Variants in ICA1 observed in about 807,000 individuals in gnomAD.
ICA1 encodes the protein 69 kDa islet cell autoantigen.
In ICA1, 40 loss-of-function variants were observed where a neutral mutation model predicts 71.0. That is an observed-to-expected ratio of 0.56 (90% CI 0.44 to 0.73). The LOEUF (loss-of-function observed/expected upper bound fraction) is 0.73. Ranked by LOEUF, ICA1 falls within the 30% of genes least tolerant of loss-of-function variation. The pLI is 0.00. For missense variants in ICA1, 578 were observed against 576.5 expected (o/e 1.00, Z -0.03); for synonymous variants, 207 against 209.5 (o/e 0.99, Z 0.10).
intron 6 of ICA1, among the ~76,000 whole-genome samples, chr7:8,171,102 G>T (rs185119961): frequency 6.6e-6 from 1 of 151,900 alleles, no homozygotes; most frequent in East Asian, 1.9e-4. Context: ...CTTGTAGTTT[G>T]CTTTTCTTAT....
intron 1 of ICA1, among the ~76,000 whole-genome samples, chr7:8,237,391 CTT>C (rs770648503): frequency 3.9e-5 from 6 of 152,142 alleles, no homozygotes; most frequent in Non-Finnish European, 8.8e-5. Flanking sequence ...ATATTCTTCT[CTT>C]GAGTTCAATG....
chr7:8,194,265 G>A (rs1228541566), intron 6 of ICA1, among the ~76,000 whole-genome samples: 1 of 152,104 alleles, frequency 6.6e-6, no homozygotes, highest in Non-Finnish European at 1.5e-5. Context: ...GAATCTTTGG[G>A]GCGGTGGGGT....
chr7:8,135,243 T>C (rs1201803449), intron 12 of ICA1, among the ~76,000 whole-genome samples: 1 of 152,112 alleles, frequency 6.6e-6, no homozygotes, highest in Non-Finnish European at 1.5e-5. Context: ...GCAAGGCTGG[T>C]CTCGAACTCT....
chr7:8,149,642 T>C (rs1042102584), intron 8 of ICA1, among the ~76,000 whole-genome samples: 2 of 152,248 alleles, frequency 1.3e-5, no homozygotes, highest in Non-Finnish European at 2.9e-5. Flanking sequence ...CAGCCAGTTC[T>C]AATAACCTAA....
chr7:8,134,685 T>A (rs909747191), intron 12 of ICA1, among the ~76,000 whole-genome samples: 2 of 152,006 alleles, frequency 1.3e-5, no homozygotes, highest in Non-Finnish European at 2.9e-5. Context: ...CTTACGAAAA[T>A]GGCTAACAAG....
chr7:8,180,724 T>C (rs1239007281), intron 6 of ICA1, among the ~76,000 whole-genome samples: 1 of 152,154 alleles, frequency 6.6e-6, no homozygotes, highest in Non-Finnish European at 1.5e-5. Context: ...ATAGTGTAAG[T>C]ACCTCTACAG....
At chr7:8,235,838 A>G in intron 2 of ICA1, 72 bp downstream of exon 2, 1 of 1,488,680 alleles carries the variant, frequency 6.7e-7, no homozygotes, top group Non-Finnish European at 9.3e-7. Flanking sequence ...TTTTCCATTC[A>G]ATAGATGTTT....
At chr7:8,194,268 G>A (rs1786664188) in intron 6 of ICA1, among the ~76,000 whole-genome samples, 2 of 152,110 alleles carry the variant, frequency 1.3e-5, no homozygotes, top group South Asian at 2.1e-4. Flanking sequence ...TCTTTGGGGC[G>A]GTGGGGTTGG....
At chr7:8,249,815 CCTA>C (rs1264922944) in intron 1 of ICA1, among the ~76,000 whole-genome samples, 1 of 152,210 alleles carries the variant, frequency 6.6e-6, no homozygotes, top group Non-Finnish European at 1.5e-5. Flanking sequence ...ATGTGTGTCT[CCTA>C]CTCAGTTTAT....
At chr7:8,157,500 G>A in intron 7 of ICA1, 1 of 386,316 alleles carries the variant, frequency 2.6e-6, no homozygotes, top group Admixed American at 4.3e-5. Context: ...AAAACCCAGG[G>A]TAAATAATTA....
chr7:8,193,681 T>G (rs899346282), intron 6 of ICA1, among the ~76,000 whole-genome samples: 3 of 152,216 alleles, frequency 2.0e-5, no homozygotes, highest in African/African-American at 4.8e-5. Flanking sequence ...CATACCGAAG[T>G]TAGAGTTTGG....
At chr7:8,239,542 C>T (rs1040203593) in intron 1 of ICA1, among the ~76,000 whole-genome samples, 1 of 152,182 alleles carries the variant, frequency 6.6e-6, no homozygotes, top group African/African-American at 2.4e-5. Context: ...CTCATTGGGA[C>T]TGGTTGACAG....
intron 1 of ICA1, among the ~76,000 whole-genome samples, chr7:8,246,852 T>C (rs909699597): frequency 6.6e-6 from 1 of 152,186 alleles, no homozygotes; most frequent in African/African-American, 2.4e-5. Flanking sequence ...GTTCAAGCGA[T>C]TCTCTTGCCT....
intron 6 of ICA1, among the ~76,000 whole-genome samples, chr7:8,207,659 T>C (rs1207538228): frequency 1.3e-5 from 2 of 152,194 alleles, no homozygotes; most frequent in East Asian, 1.9e-4. Context: ...TGGCTGAGAA[T>C]TGTGCACATT....
At chr7:8,181,842 C>A (rs1188210727) in intron 6 of ICA1, among the ~76,000 whole-genome samples, 1 of 152,156 alleles carries the variant, frequency 6.6e-6, no homozygotes, top group Non-Finnish European at 1.5e-5. Context: ...AAAATGAATA[C>A]ATAAATATAG....
chr7:8,183,885 T>A (rs1783042825), intron 6 of ICA1, among the ~76,000 whole-genome samples: 1 of 152,126 alleles, frequency 6.6e-6, no homozygotes, highest in South Asian at 2.1e-4. Context: ...TTTCAAGTTG[T>A]CGGAAAGTTG....
At chr7:8,170,473 C>T (rs1255118488) in intron 6 of ICA1, among the ~76,000 whole-genome samples, 3 of 151,962 alleles carry the variant, frequency 2.0e-5, no homozygotes, top group Admixed American at 6.6e-5. Flanking sequence ...TGCATTCTCT[C>T]TCTCCATTTA....
chr7:8,157,085 G>C (rs373394778), intron 8 of ICA1, 31 bp downstream of exon 8: 8 of 1,614,124 alleles, frequency 5.0e-6, no homozygotes, highest in Non-Finnish European at 6.8e-6. Context: ...CTTTTCTCAA[G>C]ATTTTCTAGT....
At chr7:8,143,727 G>A (rs540261803) in intron 9 of ICA1, 148 bp downstream of exon 9, 6 of 600,446 alleles carry the variant, frequency 1.0e-5, no homozygotes, top group South Asian at 8.4e-5. Flanking sequence ...CGTTAAAGGG[G>A]TTTGGCTGGG....
Sources: gnomAD v4.1 joint callset for allele counts (sites outside exome capture counted in the v4.1 genomes callset) on GRCh38, gnomAD v4.1.1 for gene constraint, MANE v1.5 for transcripts, NCBI Gene and HGNC (gene_info 2026-07-23, HGNC 2026-07-21) for gene names.